Variants in PCDHGA7 observed in about 807,000 individuals in gnomAD.
PCDHGA7 encodes the protein protocadherin gamma subfamily A, 7, also known as protocadherin gamma-A7.
A neutral mutation model predicts 58.3 loss-of-function variants in PCDHGA7; 44 were observed. That is an observed-to-expected ratio of 0.75 (90% confidence interval 0.59 to 0.97). The LOEUF (loss-of-function observed/expected upper bound fraction) is 0.97, where lower values mean the gene tolerates loss of function less well. PCDHGA7 is among the 50% of genes least tolerant of loss of function. The pLI is 0.00. For missense variants in PCDHGA7, 1,266 were observed against 1,188.7 expected, an observed-to-expected ratio of 1.06 and a Z score of -0.96; for synonymous variants, 516 against 504.2, an observed-to-expected ratio of 1.02 and a Z score of -0.31.
intron 3 of PCDHGA7, 77 bp downstream of exon 3, chr5:141,505,558 C>T (rs945428797): frequency 3.7e-6 from 6 of 1,605,016 alleles, no homozygotes; most frequent in African/African-American, 1.3e-5. Context: ...ACCATGCCCA[C>T]GGACTGGATG....
Position 141,476,570 on chromosome 5 carries a change from A to G in PCDHGA7, c.2425-18237A>G. ...GATTAGCGAGGCCGTGGCTCCGGGG[A>G]CGCGCTTTCCGCTCGAGAGCGCGCA... On this transcript the variant is annotated intron_variant, in intron 1 of 3. Transcript: ENST00000518325. The surrounding 1 kb of genome is among the most constrained non-coding windows in gnomAD (Gnocchi z 7.6). 3 of 1,614,114 alleles carry G rather than the reference A, an allele frequency of 1.9e-6. No individual in the cohort carries two copies. The highest frequency in any genetic ancestry group is 2.5e-6 in the Non-Finnish European group (3 of 1,180,012).
At chr5:141,446,129 A>C (rs1488078150) in intron 1 of PCDHGA7, among the ~76,000 whole-genome samples, 1 of 152,204 alleles carries the variant, frequency 6.6e-6, no homozygotes, top group Non-Finnish European at 1.5e-5. Flanking sequence ...GTTCAATAAG[A>C]CTTAATAATG....
chr5:141,413,328 C>G, intron 1 of PCDHGA7: 1 of 1,614,004 alleles, frequency 6.2e-7, no homozygotes, highest in Non-Finnish European at 8.5e-7. Context: ...TCGTGGGCAA[C>G]ATCTCCAAGG....
intron 2 of PCDHGA7, 69 bp from the exon 3 acceptor site, chr5:141,505,324 G>T: frequency 6.2e-7 from 1 of 1,607,102 alleles, no homozygotes; most frequent in African/African-American, 1.3e-5. Context: ...GGAGCCCTGG[G>T]AGAGGACAGG....
intron 1 of PCDHGA7, chr5:141,428,255 G>A (rs2097128504): frequency 1.1e-6 from 1 of 875,462 alleles, no homozygotes; most frequent in Non-Finnish European, 1.8e-6. Context: ...CCAGACTTCA[G>A]TGACAGTCCT....
chr5:141,421,235 A>G (rs1375447356), intron 1 of PCDHGA7: 3 of 1,594,470 alleles, frequency 1.9e-6, no homozygotes, highest in East Asian at 2.2e-5. Context: ...GCCATGGCGA[A>G]TCGGCTACAG....
intron 1 of PCDHGA7, chr5:141,419,209 G>C: frequency 6.2e-7 from 1 of 1,613,900 alleles, no homozygotes; most frequent in Admixed American, 1.7e-5. Context: ...ACAACGCGCC[G>C]GTTTTCGGAC....
At position 141,489,219 on chromosome 5, in the gene PCDHGA7, T is replaced by C; in HGVS notation, c.2425-5588T>C. 1 of 1,502,828 alleles carries C rather than the reference T, an allele frequency of 6.7e-7. No homozygotes were observed. Among genetic ancestry groups the C allele is most frequent in the Non-Finnish European group, 8.9e-7 (1 of 1,117,962 alleles). 93.1% of individuals were successfully genotyped at this position (1,502,828 alleles called of 1,614,324 possible). On this transcript the variant is annotated intron_variant, in intron 1 of 3. Transcript: ENST00000518325. This position sits in a 1 kb window ranked among gnomAD's most constrained non-coding sequence, Gnocchi z 4.5. ...GAGACAGGACAGCACAGACTTACTC[T>C]CCACAAAGGGACTTCTGGGTCATGG...
intron 1 of PCDHGA7, among the ~76,000 whole-genome samples, chr5:141,446,746 C>T (rs1413869259): frequency 6.6e-6 from 1 of 152,170 alleles, no homozygotes; most frequent in Non-Finnish European, 1.5e-5. Context: ...GGATTACAGG[C>T]GTGAGCCACC....
At chr5:141,453,608 C>T (rs1015022396) in intron 1 of PCDHGA7, among the ~76,000 whole-genome samples, 6 of 152,068 alleles carry the variant, frequency 3.9e-5, no homozygotes, top group South Asian at 2.1e-4. Context: ...TTTTGCAAAA[C>T]GCAAAAACAA....
At chr5:141,447,656 C>T (rs1352103605) in intron 1 of PCDHGA7, among the ~76,000 whole-genome samples, 1 of 152,056 alleles carries the variant, frequency 6.6e-6, no homozygotes, top group Non-Finnish European at 1.5e-5. Flanking sequence ...ATTTTCCCCC[C>T]CAGGAAGTTA....
chr5:141,507,578 C>T (rs1268451710), intron 3 of PCDHGA7, among the ~76,000 whole-genome samples: 1 of 152,220 alleles, frequency 6.6e-6, no homozygotes, highest in East Asian at 1.9e-4. Context: ...GAGGAGATGC[C>T]AAGTTGGCCT....
intron 1 of PCDHGA7, among the ~76,000 whole-genome samples, chr5:141,466,790 A>C (rs1240777427): frequency 2.0e-5 from 3 of 152,210 alleles, no homozygotes; most frequent in Non-Finnish European, 2.9e-5. Context: ...TTAGTGCCTC[A>C]AACTAGATCC....
At chr5:141,504,340 G>C (rs1240423982) in intron 2 of PCDHGA7, among the ~76,000 whole-genome samples, 1 of 152,062 alleles carries the variant, frequency 6.6e-6, no homozygotes, top group Non-Finnish European at 1.5e-5. Flanking sequence ...CAAGTGCTAG[G>C]CTTTGTGCTA....
chr5:141,423,574 C>T (rs953989787), intron 1 of PCDHGA7: 2 of 1,613,328 alleles, frequency 1.2e-6, no homozygotes, highest in Non-Finnish European at 1.7e-6. Flanking sequence ...GCTCATCAGC[C>T]AGGAGAGCTG....
chr5:141,475,553 T>A (rs1159585016), intron 1 of PCDHGA7, among the ~76,000 whole-genome samples: 2 of 152,260 alleles, frequency 1.3e-5, no homozygotes, highest in Non-Finnish European at 2.9e-5. Flanking sequence ...GTCCGGCTAA[T>A]TGTCTGTCTT....
At chr5:141,421,418 G>A (rs771088122) in intron 1 of PCDHGA7, 1 of 1,614,086 alleles carries the variant, frequency 6.2e-7, no homozygotes, top group Admixed American at 1.7e-5. Flanking sequence ...GCGAAGCGCG[G>A]AGTCCGCATC....
chr5:141,423,141 G>C, intron 1 of PCDHGA7: 1 of 1,613,580 alleles, frequency 6.2e-7, no homozygotes, highest in Non-Finnish European at 8.5e-7. Flanking sequence ...ACAGAGACGC[G>C]CTCAAGCAGA....
chr5:141,399,751 G>A (rs564705346), intron 1 of PCDHGA7: 3 of 1,613,322 alleles, frequency 1.9e-6, no homozygotes, highest in Admixed American at 3.3e-5. Context: ...CAGCGCAAAC[G>A]TGAGCCTGCG....
Sources: gnomAD v4.1 joint callset for allele counts (sites outside exome capture counted in the v4.1 genomes callset) on GRCh38, gnomAD v4.1.1 for gene constraint, Gnocchi (gnomAD v3.1) non-coding constraint, MANE v1.5 for transcripts, NCBI Gene and HGNC (gene_info 2026-07-23, HGNC 2026-07-21) for gene names.